The following ANK2 variants were observed in gnomAD, a reference collection of about 807,000 sequenced individuals.
ANK2 encodes the protein ankyrin 2, also known as ankyrin-2.
Under a neutral mutation model 360.5 loss-of-function variants are expected in ANK2, and 83 were observed. The ratio of observed to expected loss-of-function variants is 0.23; its 90% CI spans 0.19 to 0.28. The LOEUF (loss-of-function observed/expected upper bound fraction) is 0.28, where lower values mean the gene tolerates loss of function less well. Among genes scored for constraint, ANK2 ranks in the 10% least tolerant of loss-of-function variants. The probability of loss-of-function intolerance (pLI) is 1.00; values close to 1 mark genes in which losing one functional copy is unlikely to be tolerated. For missense variants in ANK2, 4,201 were observed against 4,795.7 expected (o/e 0.88, Z 3.66); for synonymous variants, 1,740 against 1,759.5 (o/e 0.99, Z 0.28).
At chr4:113,123,247 CTTAAT>C (rs2095476025) in intron 1 of ANK2, among the ~76,000 whole-genome samples, 1 of 151,756 alleles carries the variant, frequency 6.6e-6, no homozygotes, top group Non-Finnish European at 1.5e-5. Context: ...TATTATCAAA[CTTAAT>C]TTTATTAGTC....
chr4:113,185,951 T>G (rs905274896), intron 2 of ANK2, among the ~76,000 whole-genome samples: 6 of 152,182 alleles, frequency 3.9e-5, no homozygotes, highest in African/African-American at 1.2e-4. Context: ...CCCCACACCA[T>G]GTATTAAATA....
At chr4:112,706,687 A>G in the ANK2 span, 1 of 152,108 alleles carries the variant, frequency 6.6e-6, no homozygotes, top group Non-Finnish European at 1.5e-5. Flanking sequence ...GGAGAGCAGG[A>G]ACCTCATCTA....
chr4:113,142,740 G>C (rs371539063), intron 1 of ANK2, among the ~76,000 whole-genome samples: 15 of 152,016 alleles, frequency 9.9e-5, no homozygotes, highest in African/African-American at 3.6e-4. Flanking sequence ...AAAGAAAGAG[G>C]GGGGTAGAAG....
the ANK2 span, among the ~76,000 whole-genome samples, chr4:112,723,228 G>A: frequency 3.9e-5 from 6 of 152,340 alleles, 1 homozygote; most frequent in South Asian, 8.3e-4. Context: ...CATTACTGCA[G>A]TGGAAGGGAG....
chr4:112,795,167 A>T, the ANK2 span, among the ~76,000 whole-genome samples: 2 of 152,196 alleles, frequency 1.3e-5, no homozygotes, highest in Non-Finnish European at 2.9e-5. Flanking sequence ...TTATCTGTGG[A>T]TGTTATTTTC....
intron 2 of ANK2, among the ~76,000 whole-genome samples, chr4:112,971,916 T>G (rs2039689960): frequency 6.6e-6 from 1 of 152,064 alleles, no homozygotes. Flanking sequence ...GAGAAAAAAG[T>G]GAGCACAAGA....
upstream of ANK2, among the ~76,000 whole-genome samples, chr4:112,816,336 C>G (rs2055628610): frequency 6.6e-6 from 1 of 152,100 alleles, no homozygotes; most frequent in Admixed American, 6.6e-5. Context: ...AACAAGTGCT[C>G]TTGGAATCTC....
At chr4:113,058,640 G>A (rs980036832) in intron 1 of ANK2, among the ~76,000 whole-genome samples, 5 of 152,102 alleles carry the variant, frequency 3.3e-5, no homozygotes, top group Non-Finnish European at 7.4e-5. Context: ...GTATGGTGGC[G>A]GGATGCCTTT....
chr4:112,922,945 A>G (rs2091871739), intron 2 of ANK2, among the ~76,000 whole-genome samples: 1 of 152,178 alleles, frequency 6.6e-6, no homozygotes, highest in African/African-American at 2.4e-5. Flanking sequence ...CTGTGTCTTA[A>G]AAGAAAAGAT....
chr4:112,802,970 G>A, the ANK2 span, among the ~76,000 whole-genome samples: 1 of 152,094 alleles, frequency 6.6e-6, no homozygotes, highest in African/African-American at 2.4e-5. Flanking sequence ...TCACTGGTAG[G>A]CTGCAGTGGT....
At chr4:113,318,309 A>G (rs550603977) in intron 25 of ANK2, among the ~76,000 whole-genome samples, 41 of 152,348 alleles carry the variant, frequency 2.7e-4, no homozygotes, top group Non-Finnish European at 5.6e-4. Context: ...AATTACACGA[A>G]TGTAATCTTA....
intron 2 of ANK2, among the ~76,000 whole-genome samples, chr4:113,186,705 T>C (rs2098536433): frequency 1.3e-5 from 2 of 152,084 alleles, no homozygotes; most frequent in South Asian, 4.2e-4. Flanking sequence ...ATGGAATACA[T>C]AGAAGAAAAG....
At chr4:113,018,330 C>A (rs369480151) in intron 2 of ANK2, among the ~76,000 whole-genome samples, 1 of 152,142 alleles carries the variant, frequency 6.6e-6, no homozygotes, top group African/African-American at 2.4e-5. Flanking sequence ...GACCATCAAT[C>A]AAAACACCAG....
chr4:112,771,416 C>T, the ANK2 span, among the ~76,000 whole-genome samples: 1 of 152,098 alleles, frequency 6.6e-6, no homozygotes, highest in South Asian at 2.1e-4. Flanking sequence ...CCACACCCGG[C>T]CACATTTATT....
At position 113,070,723 on chromosome 4, in the gene ANK2, T is replaced by A. The variant is rs912461870; in HGVS notation, c.84+20911T>A. Among the ~76,000 whole-genome samples, 3 of 152,130 alleles carry A rather than the reference T, an allele frequency of 2.0e-5. No homozygotes were observed. The East Asian group carries it at 5.8e-4, about 29-fold the overall frequency. Reference sequence around the variant, plus strand: ...TACATTTTCTTCCAGCAAAGATCCATCAACCTTATTCCCTTGTGTGACTTC... The same window carrying A: ...TACATTTTCTTCCAGCAAAGATCCAACAACCTTATTCCCTTGTGTGACTTC... On this transcript the variant is annotated intron_variant, in intron 1 of 45. Coordinates refer to ENST00000357077, the MANE Select transcript of ANK2 (RefSeq NM_001148.6).
At chr4:112,791,677 G>C in the ANK2 span, among the ~76,000 whole-genome samples, 7 of 151,504 alleles carry the variant, frequency 4.6e-5, no homozygotes, top group Admixed American at 2.0e-4. Context: ...ATTTTTAGTA[G>C]AGACGGGGTT....
chr4:113,140,376 A>C (rs1389279180), intron 1 of ANK2, among the ~76,000 whole-genome samples: 2 of 152,238 alleles, frequency 1.3e-5, no homozygotes, highest in East Asian at 3.8e-4. Context: ...GGCAGACAGT[A>C]ATCGAAGCAG....
intron 18 of ANK2, among the ~76,000 whole-genome samples, chr4:113,283,132 C>T (rs1391019501): frequency 6.6e-6 from 1 of 152,162 alleles, no homozygotes; most frequent in Non-Finnish European, 1.5e-5. Context: ...TCTCTACATC[C>T]CCGCTTTCCT....
chr4:112,845,051 C>T (rs2062985062), intron 1 of ANK2, among the ~76,000 whole-genome samples: 1 of 152,112 alleles, frequency 6.6e-6, no homozygotes, highest in African/African-American at 2.4e-5. Flanking sequence ...GACGACGTAA[C>T]TTAAATAAGA....
Sources: gnomAD v4.1 joint callset for allele counts (sites outside exome capture counted in the v4.1 genomes callset) on GRCh38, gnomAD v4.1.1 for gene constraint, MANE v1.5 for transcripts, NCBI Gene and HGNC (gene_info 2026-07-23, HGNC 2026-07-21) for gene names.